SLC7A2: variants seen among roughly 807,000 people sequenced by gnomAD.
SLC7A2 encodes solute carrier family 7 member 2, also known as cationic amino acid transporter 2.
In SLC7A2, 48 loss-of-function variants were observed where a neutral mutation model predicts 58.9. That is an observed-to-expected ratio of 0.82 (90% confidence interval 0.65 to 1.04). The LOEUF is 1.04. Among genes scored for constraint, SLC7A2 ranks in the 50% least tolerant of loss-of-function variants. The pLI, the probability that SLC7A2 is intolerant of heterozygous loss-of-function variation, is 0.00. For missense variants in SLC7A2, 1,029 were observed against 818.8 expected (o/e 1.26, Z -3.13); for synonymous variants, 363 against 314.5 (o/e 1.15, Z -1.63).
chr8:17,538,891 G>C, intron 2 of SLC7A2: 1 of 1,613,730 alleles, frequency 6.2e-7, no homozygotes, highest in Non-Finnish European at 8.5e-7. Context: ...TGGAACACCT[G>C]CCCCACCGGT....
At position 17,554,596 on chromosome 8, in the gene SLC7A2, C is replaced by T; in HGVS notation, c.1092C>T (p.Ile364=). 1 of 1,610,938 alleles carries T rather than the reference C, an allele frequency of 6.2e-7. No homozygotes were observed. Among genetic ancestry groups the T allele is most frequent in the Non-Finnish European group, 8.5e-7 (1 of 1,179,280 alleles). Residue 364 remains isoleucine (I), a synonymous_variant, in exon 8 of 13, where the codon ATC becomes ATT. Transcript: ENST00000494857. The stretch of plus-strand genomic sequence containing the variant: ...CCATTTTCCCAATGCCTCGTGTAAT[C>T]TATGCTATGGCGGAGGATGGGTTGC... ...LGSIFPMPRV[I]YAMAEDGLLF...
At chr8:17,511,553 A>G (rs562125178) in intron 2 of SLC7A2, among the ~76,000 whole-genome samples, 1 of 152,340 alleles carries the variant, frequency 6.6e-6, no homozygotes, top group South Asian at 2.1e-4. Context: ...TGTTGTACAA[A>G]TTATTCACAG....
At chr8:17,497,532 C>A (rs904517111) in intron 1 of SLC7A2, among the ~76,000 whole-genome samples, 1 of 152,198 alleles carries the variant, frequency 6.6e-6, no homozygotes, top group African/African-American at 2.4e-5. Context: ...GCCGGCTCTG[C>A]CCGGGGACTT....
intron 2 of SLC7A2, among the ~76,000 whole-genome samples, chr8:17,520,583 G>A (rs772575555): frequency 1.5e-5 from 2 of 136,166 alleles, no homozygotes; most frequent in Admixed American, 8.3e-5. Context: ...GAAGGTTGCA[G>A]TGAGCCGAGA....
At chr8:17,530,240 C>G (rs529407447) in intron 2 of SLC7A2, among the ~76,000 whole-genome samples, 1 of 152,294 alleles carries the variant, frequency 6.6e-6, no homozygotes, top group Non-Finnish European at 1.5e-5. Context: ...CAGGAGCTGA[C>G]AGAGAGGATA....
chr8:17,534,997 A>G (rs1018571719), intron 2 of SLC7A2, among the ~76,000 whole-genome samples: 3 of 151,982 alleles, frequency 2.0e-5, no homozygotes, highest in African/African-American at 7.3e-5. Flanking sequence ...GTGCCTAGAT[A>G]ATTTGAGTAG....
intron 2 of SLC7A2, among the ~76,000 whole-genome samples, chr8:17,516,660 A>G (rs2150678820): frequency 6.6e-6 from 1 of 152,326 alleles, no homozygotes; most frequent in East Asian, 1.9e-4. Flanking sequence ...ACCCTTGCTT[A>G]TTGTACCTGA....
chr8:17,504,275 T>C (rs1013310528), intron 2 of SLC7A2, among the ~76,000 whole-genome samples: 6 of 152,188 alleles, frequency 3.9e-5, no homozygotes, highest in Non-Finnish European at 8.8e-5. Context: ...CTTAGTGAGA[T>C]TGAGGCCGGT....
chr8:17,560,339 G>A lies in SLC7A2; in HGVS notation c.1310G>A (p.Gly437Asp), dbSNP rs1179099847. The change falls in exon 10 of 13, where the codon GGC becomes GAC. Residue 437 changes from glycine (G) to aspartate (D), a missense_variant. Transcript: ENST00000494857. The stretch of plus-strand genomic sequence containing the variant: ...TTGTTTGGAAATAGGTACCAGCCTG[G>A]CTTATCTTACGACCAGCCCAAATGT... Reference protein sequence around the residue: ...ACVLILRYQPGLSYDQPKCSP... With the variant: ...ACVLILRYQPDLSYDQPKCSP... 1 of 1,613,862 alleles carries A rather than the reference G, an allele frequency of 6.2e-7. No homozygotes were observed. The highest frequency in any genetic ancestry group is 1.1e-5 in the South Asian group (1 of 91,072).
intron 2 of SLC7A2, among the ~76,000 whole-genome samples, chr8:17,523,367 C>A (rs369691767): frequency 6.6e-5 from 10 of 152,238 alleles, no homozygotes; most frequent in African/African-American, 2.4e-4. Context: ...TCAAACTATA[C>A]CATAAGGCCA....
chr8:17,545,983 G>A (rs148441598), intron 4 of SLC7A2, among the ~76,000 whole-genome samples: 138 of 152,298 alleles, frequency 9.1e-4, no homozygotes, highest in African/African-American at 3.1e-3. Flanking sequence ...CATACGGATA[G>A]GGATAAGAAC....
chr8:17,508,400 G>C (rs1800461775), intron 2 of SLC7A2, among the ~76,000 whole-genome samples: 1 of 152,112 alleles, frequency 6.6e-6, no homozygotes, highest in Non-Finnish European at 1.5e-5. Context: ...CTAACTCTAG[G>C]TATTGTTGGA....
At chr8:17,522,538 A>G (rs1298329973) in intron 2 of SLC7A2, among the ~76,000 whole-genome samples, 1 of 152,044 alleles carries the variant, frequency 6.6e-6, no homozygotes, top group Admixed American at 6.5e-5. Flanking sequence ...TTCTTACTAT[A>G]TTTTATCACA....
intron 7 of SLC7A2, among the ~76,000 whole-genome samples, chr8:17,554,041 C>A (rs941283129): frequency 6.6e-6 from 1 of 152,082 alleles, no homozygotes; most frequent in African/African-American, 2.4e-5. Context: ...GGGATTATTA[C>A]TAACTTGATC....
In SLC7A2 at chr8:17,543,726, A is replaced by G; in HGVS notation, c.376+11A>G. The G allele has an allele frequency of 6.6e-7, 1 of 1,512,684 alleles. No homozygotes were observed. Among genetic ancestry groups the G allele is most frequent in the South Asian group, 1.4e-5 (1 of 73,894 alleles). 93.7% of individuals were successfully genotyped at this position (1,512,684 alleles called of 1,614,324 possible). ...TATCGTATGTGATAGGTATGTTTCAAAAAGAAATCTAACTTGTGTGGAATG... is the reference window on the plus strand; with the variant it reads ...TATCGTATGTGATAGGTATGTTTCAGAAAGAAATCTAACTTGTGTGGAATG... On this transcript the variant is annotated intron_variant, in intron 3 of 12. Coordinates refer to ENST00000494857, the MANE Select transcript of SLC7A2 (RefSeq NM_001370338.1).
At chr8:17,518,119 G>C (rs1800873077) in intron 2 of SLC7A2, among the ~76,000 whole-genome samples, 2 of 151,750 alleles carry the variant, frequency 1.3e-5, no homozygotes, top group African/African-American at 4.8e-5. Context: ...CAAAGTCTGG[G>C]GTACAGTGGC....
At chr8:17,553,413 T>C (rs6981597) in intron 7 of SLC7A2, among the ~76,000 whole-genome samples, 35,845 of 151,966 alleles carry the variant, frequency 0.24, 4,397 homozygotes, top group African/African-American at 0.29. Flanking sequence ...GATACCGTGC[T>C]ACCATGGCCT....
chr8:17,515,098 A>G (rs1800750159), intron 2 of SLC7A2, among the ~76,000 whole-genome samples: 1 of 152,208 alleles, frequency 6.6e-6, no homozygotes, highest in South Asian at 2.1e-4. Context: ...CACTGAAAAA[A>G]GATTTGTTGC....
intron 7 of SLC7A2, among the ~76,000 whole-genome samples, chr8:17,554,136 T>C (rs532966694): frequency 3.2e-4 from 49 of 152,348 alleles, no homozygotes; most frequent in Admixed American, 1.2e-3. Flanking sequence ...AACTATTGCT[T>C]ATGAAATAAA....
Sources: allele counts gnomAD v4.1 joint callset (sites outside exome capture counted in the v4.1 genomes callset), GRCh38; gene constraint gnomAD v4.1.1; transcripts MANE v1.5; gene names NCBI Gene and HGNC (gene_info 2026-07-23, HGNC 2026-07-21).